UVRAG: variants seen among roughly 807,000 people sequenced by gnomAD.
The protein encoded by UVRAG is UV radiation resistance-associated gene protein.
A neutral mutation model predicts 78.0 loss-of-function variants in UVRAG; 19 were observed. The observed-to-expected ratio is 0.24, with a 90% CI of 0.17 to 0.36. UVRAG has a LOEUF of 0.36. Among genes scored for constraint, UVRAG ranks in the 10% least tolerant of loss-of-function variants. UVRAG has a pLI of 1.00. For missense variants in UVRAG, 740 were observed against 853.8 expected, an observed-to-expected ratio of 0.87 and a Z score of 1.66; for synonymous variants, 323 against 324.6, an observed-to-expected ratio of 1.00 and a Z score of 0.05.
chr11:75,903,685 T>A (rs1947558206), intron 5 of UVRAG, among the ~76,000 whole-genome samples: 1 of 152,222 alleles, frequency 6.6e-6, no homozygotes, highest in African/African-American at 2.4e-5. Context: ...TGTAGCTTTT[T>A]AAAAAGCCTT....
chr11:76,048,100 G>A (rs1228452200), intron 12 of UVRAG, among the ~76,000 whole-genome samples: 1 of 152,202 alleles, frequency 6.6e-6, no homozygotes, highest in African/African-American at 2.4e-5. Flanking sequence ...CTGGCTGATT[G>A]ATACATATGT....
At chr11:75,858,605 TA>T (rs1946344330) in intron 2 of UVRAG, among the ~76,000 whole-genome samples, 1 of 152,198 alleles carries the variant, frequency 6.6e-6, no homozygotes, top group Non-Finnish European at 1.5e-5. Context: ...AGTGACAGTA[TA>T]TTGATAGGGT....
At chr11:75,847,378 C>T (rs556198777) in intron 1 of UVRAG, among the ~76,000 whole-genome samples, 2 of 152,174 alleles carry the variant, frequency 1.3e-5, no homozygotes, top group South Asian at 2.1e-4. Context: ...CCACCCGCCT[C>T]GGCCTCCCAA....
chr11:75,908,229 A>G (rs768502489), intron 5 of UVRAG, among the ~76,000 whole-genome samples: 7 of 152,196 alleles, frequency 4.6e-5, no homozygotes, highest in East Asian at 1.9e-4. Context: ...AGCTTCATCA[A>G]TGTTTTAGCG....
intron 1 of UVRAG, among the ~76,000 whole-genome samples, chr11:75,828,944 C>T (rs1282759076): frequency 3.3e-5 from 5 of 151,512 alleles, no homozygotes; most frequent in African/African-American, 1.2e-4. Context: ...TGGTCTCAAA[C>T]TCCTGAGCTC....
chr11:75,976,807 T>C (rs1949252158), intron 7 of UVRAG, among the ~76,000 whole-genome samples: 1 of 152,202 alleles, frequency 6.6e-6, no homozygotes. Flanking sequence ...GTTGATCTTT[T>C]CAAAAAACCA....
chr11:76,062,083 G>GT (rs2134374493), intron 12 of UVRAG, among the ~76,000 whole-genome samples: 1 of 152,214 alleles, frequency 6.6e-6, no homozygotes, highest in Non-Finnish European at 1.5e-5. Context: ...CCAGCTTCTG[G>GT]TGGCTCCAGG....
intron 13 of UVRAG, among the ~76,000 whole-genome samples, chr11:76,071,394 G>A (rs1565148161): frequency 6.6e-6 from 1 of 152,174 alleles, no homozygotes; most frequent in Non-Finnish European, 1.5e-5. Flanking sequence ...AGGCTGATGT[G>A]GCAGGAGTGT....
chr11:76,102,818 C>T (rs1246449657), intron 13 of UVRAG, among the ~76,000 whole-genome samples: 1 of 152,074 alleles, frequency 6.6e-6, no homozygotes, highest in Non-Finnish European at 1.5e-5. Flanking sequence ...CTGCAACATC[C>T]ATTTTTATCT....
chr11:76,027,370 A>C (rs1219623800), intron 12 of UVRAG, among the ~76,000 whole-genome samples: 2 of 152,164 alleles, frequency 1.3e-5, no homozygotes, highest in African/African-American at 2.4e-5. Flanking sequence ...TAATTATTCA[A>C]ATCACACTTA....
At chr11:76,115,748 G>A (rs567525005) in intron 13 of UVRAG, among the ~76,000 whole-genome samples, 176 bp from the exon 14 acceptor site, 1 of 152,274 alleles carries the variant, frequency 6.6e-6, no homozygotes, top group East Asian at 1.9e-4. Flanking sequence ...ACTCATACAC[G>A]TGCTTATCTA....
At position 75,958,694 on chromosome 11, in the gene UVRAG, A is replaced by T. The variant is rs142675404; in HGVS notation, c.594-2750A>T. ...TTTTTATCTACTCCCATGAATCATG[A>T]ATGTTCTGAATGGCATTCAGAATGG... is the stretch of plus-strand genomic sequence containing the variant. On this transcript the variant is annotated intron_variant, in intron 6 of 14. Coordinates refer to ENST00000356136, the MANE Select transcript of UVRAG (RefSeq NM_003369.4). 4.2e-3 allele frequency among the ~76,000 whole-genome samples: 636 copies of T among 152,300 alleles called. 4 individuals carry two copies. The highest frequency in any genetic ancestry group is 0.015 in the African/African-American group (612 of 41,564).
At chr11:76,107,227 AT>A (rs1179700979) in intron 13 of UVRAG, among the ~76,000 whole-genome samples, 2 of 152,232 alleles carry the variant, frequency 1.3e-5, no homozygotes, top group Non-Finnish European at 2.9e-5. Context: ...TAACTCAGAT[AT>A]AATCTGTGCC....
intron 8 of UVRAG, among the ~76,000 whole-genome samples, chr11:76,003,481 A>C (rs1000507578): frequency 1.3e-5 from 2 of 151,976 alleles, no homozygotes; most frequent in Non-Finnish European, 2.9e-5. Flanking sequence ...TTGGCCTCCC[A>C]AAGTGCTGGG....
intron 1 of UVRAG, 83 bp downstream of exon 1, chr11:75,815,607 G>C (rs1945245157): frequency 1.1e-6 from 1 of 886,888 alleles, no homozygotes. Context: ...CTGACCCCGC[G>C]AGCCGGGACA....
chr11:76,039,910 C>A (rs892156622), intron 12 of UVRAG, among the ~76,000 whole-genome samples: 1 of 151,968 alleles, frequency 6.6e-6, no homozygotes, highest in African/African-American at 2.4e-5. Context: ...GGGTGAAAGA[C>A]CTTTATCAAA....
chr11:76,016,891 A>C lies in UVRAG; in HGVS notation c.1137A>C (p.Gln379His), dbSNP rs778124624. The C allele has an allele frequency of 1.2e-6, 2 of 1,612,740 alleles. No individual in the cohort carries two copies. Among genetic ancestry groups the C allele is most frequent in the East Asian group, 2.2e-5 (1 of 44,766 alleles). Residue 379 changes from glutamine to histidine, a missense_variant, in exon 12 of 15, where the codon CAA (glutamine) becomes CAC (histidine). Transcript: ENST00000356136. ...HLVSMISFFLQVPLRYPIIHK... is the reference protein window; with the variant it reads ...HLVSMISFFLHVPLRYPIIHK... ...TCTCCATGATTTCCTTTTTCCTACA[A>C]GTGCCCCTCAGATATCCTATAATTC...
At chr11:76,082,336 C>T (rs956456578) in intron 13 of UVRAG, among the ~76,000 whole-genome samples, 1 of 151,680 alleles carries the variant, frequency 6.6e-6, no homozygotes, top group Non-Finnish European at 1.5e-5. Context: ...GTCAGGAGAT[C>T]GAGACCATCC....
chr11:76,090,737 A>G (rs945363680), intron 13 of UVRAG, among the ~76,000 whole-genome samples: 2 of 152,058 alleles, frequency 1.3e-5, no homozygotes, highest in East Asian at 1.9e-4. Context: ...CAGTGTGCTT[A>G]TAACTAATTT....
Sources: allele counts gnomAD v4.1 joint callset (sites outside exome capture counted in the v4.1 genomes callset), GRCh38; gene constraint gnomAD v4.1.1; transcripts MANE v1.5; gene names NCBI Gene and HGNC (gene_info 2026-07-23, HGNC 2026-07-21).